The following MAN1B1 variants were observed in gnomAD, a reference collection of about 807,000 sequenced individuals.
MAN1B1 encodes mannosidase alpha class 1B member 1.
A neutral mutation model predicts 75.5 loss-of-function variants in MAN1B1; 66 were observed. The ratio of observed to expected loss-of-function variants is 0.87; its 90% confidence interval spans 0.72 to 1.07. The LOEUF (loss-of-function observed/expected upper bound fraction) is 1.07. MAN1B1 is among the 50% of genes least tolerant of loss of function. MAN1B1 has a pLI of 0.00. For synonymous variants in MAN1B1, 453 were observed against 382.8 expected (o/e 1.18, Z -2.14); for missense variants, 973 against 912.5 (o/e 1.07, Z -0.85).
chr9:137,088,038 A>G (rs1830420796), intron 1 of MAN1B1, 37 bp from the exon 2 acceptor site: 1 of 1,478,546 alleles, frequency 6.8e-7, no homozygotes, highest in South Asian at 1.1e-5. Context: ...CGTGTGATAT[A>G]TTCAGTAAGA....
intron 9 of MAN1B1, 174 bp from the exon 10 acceptor site, chr9:137,106,515 G>A (rs985488715): frequency 3.2e-5 from 36 of 1,109,320 alleles, no homozygotes; most frequent in East Asian, 9.9e-5. Flanking sequence ...TGGCCTCTGG[G>A]GGGGTGAGGG....
chr9:137,088,706 A>C (rs1830444506), intron 2 of MAN1B1, 163 bp from the exon 3 acceptor site: 10 of 863,306 alleles, frequency 1.2e-5, no homozygotes, highest in African/African-American at 1.7e-5. Context: ...GTTTTGAAAA[A>C]GATTTCATTC....
chr9:137,089,181 A>G (rs1027099419), intron 3 of MAN1B1, 176 bp downstream of exon 3: 3 of 808,138 alleles, frequency 3.7e-6, no homozygotes, highest in Non-Finnish European at 4.1e-6. Context: ...TCTTTGCTTC[A>G]TTCTTTTTGA....
intron 2 of MAN1B1, chr9:137,088,547 C>T (rs889117694): frequency 2.1e-6 from 2 of 942,986 alleles, no homozygotes; most frequent in Non-Finnish European, 3.2e-6. Flanking sequence ...TGTGGAGAAT[C>T]TCTTCTCACT....
intron 5 of MAN1B1, among the ~76,000 whole-genome samples, chr9:137,098,604 C>CA (rs1480054505): frequency 6.6e-6 from 1 of 152,140 alleles, no homozygotes; most frequent in Non-Finnish European, 1.5e-5. Flanking sequence ...TCAATGAGGG[C>CA]AGAGGCAGAG....
chr9:137,108,528 C>T lies in MAN1B1; in HGVS notation c.2037C>T (p.Leu679=), dbSNP rs763525531. 1.2e-6 allele frequency: 2 copies of T among 1,614,020 alleles called. No homozygotes were observed. Among genetic ancestry groups the T allele is most frequent in the East Asian group, 2.2e-5 (1 of 44,890 alleles). ...FLLFSDDPNL[L]SLDAYVFNTE... ...TCTTCTCCGATGACCCAAACCTGCT[C>T]AGCCTGGATGCCTACGTGTTCAACA... is the stretch of plus-strand genomic sequence containing the variant. The change falls in exon 13 of 13, where the codon CTC becomes CTT. Residue 679 remains leucine, a synonymous_variant. Transcript: ENST00000371589.
chr9:137,093,312 G>A (rs912963102), intron 3 of MAN1B1, among the ~76,000 whole-genome samples: 1 of 152,150 alleles, frequency 6.6e-6, no homozygotes, highest in African/African-American at 2.4e-5. Flanking sequence ...GAACTGGGAG[G>A]TGGAGGCTGC....
Position 137,087,209 on chromosome 9 carries a change from G to T in MAN1B1, c.210G>T (p.Ser70=). The change falls in exon 1 of 13, where the codon TCG becomes TCT. Residue 70 remains serine (S), a synonymous_variant. Transcript: ENST00000371589. ...ACAGCAAGAGTTGGCGGCGGCGCTC[G>T]TGCTGGAGGGTGAGGGTCGCGCCGG... is the stretch of plus-strand genomic sequence containing the variant. The part of the protein sequence containing the change: ...YDNSKSWRRR[S]CWRKWKQLSR... 6.3e-7 allele frequency: 1 copy of T among 1,577,024 alleles called. No homozygotes were observed. The highest frequency in any genetic ancestry group is 8.6e-7 in the Non-Finnish European group (1 of 1,161,810).
At chr9:137,095,787 G>T (rs947933805) in intron 3 of MAN1B1, among the ~76,000 whole-genome samples, 1 of 152,262 alleles carries the variant, frequency 6.6e-6, no homozygotes, top group South Asian at 2.1e-4. Flanking sequence ...TAGAAGGCCC[G>T]CATCACACAG....
chr9:137,097,846 C>G lies in MAN1B1; in HGVS notation c.639C>G (p.Ile213Met). The G allele has an allele frequency of 2.6e-6, 4 of 1,555,628 alleles. No homozygotes were observed. The South Asian group carries it at 3.6e-5, about 14-fold the overall frequency. ...CCCGAAGCTGGAGGGGAGCGGTGAT[C>G]GAGCCTGAGCAGGGCACCGAGCTCC... ...RTVISWRGAVIEPEQGTELPS... is the reference protein window; with the variant it reads ...RTVISWRGAVMEPEQGTELPS... The change falls in exon 5 of 13, where the codon ATC (isoleucine) becomes ATG (methionine). Residue 213 changes from isoleucine to methionine, a missense_variant. Transcript: ENST00000371589.
chr9:137,099,305 C>G (rs1422727076), intron 5 of MAN1B1, among the ~76,000 whole-genome samples: 1 of 152,280 alleles, frequency 6.6e-6, no homozygotes, highest in Non-Finnish European at 1.5e-5. Context: ...TCACCCACGT[C>G]TCCACAGGCT....
chr9:137,108,119 G>C lies in MAN1B1; in HGVS notation c.1897-269G>C, dbSNP rs567022038. The C allele has an allele frequency of 9.8e-6, 6 of 610,614 alleles. No individual in the cohort carries two copies. In the South Asian group the frequency reaches 1.2e-4, roughly 12 times the overall value. 37.8% of individuals were successfully genotyped at this position (610,614 alleles called of 1,614,324 possible). On this transcript the variant is annotated intron_variant, in intron 12 of 12. Transcript: ENST00000371589. ...GCTCCCACCGTCTGCCCTGTGCCCT[G>C]TGCCCTGTGCGGCAACTGTGAGGCC... is the stretch of plus-strand genomic sequence containing the variant.
rs114871830 is a variant in MAN1B1 at position 137,101,699 on chromosome 9, T to C, written c.1254+27T>C. ...TAAGGGGGCAGGCTTTCTGGCTGGA[T>C]GCGCCTCCCCTGGAGCTACCTTTTG... On this transcript the variant is annotated intron_variant, in intron 8 of 12. Coordinates refer to ENST00000371589, the MANE Select transcript of MAN1B1 (RefSeq NM_016219.5). 2.9e-3 allele frequency: 4,642 copies of C among 1,604,186 alleles called. 44 individuals are homozygous for C. The highest frequency in any genetic ancestry group is 0.024 in the African/African-American group (1,789 of 74,824).
At chr9:137,101,969 A>G in intron 8 of MAN1B1, 1 of 561,948 alleles carries the variant, frequency 1.8e-6, no homozygotes, top group Non-Finnish European at 3.4e-6. Flanking sequence ...GTGGTGTTAC[A>G]CACATGCTGT....
chr9:137,101,194 G>A (rs139690270), intron 7 of MAN1B1, 41 bp downstream of exon 7: 22 of 1,610,704 alleles, frequency 1.4e-5, no homozygotes, highest in African/African-American at 4.0e-5. Context: ...TGGTGGACTC[G>A]CATTCAAGCA....
chr9:137,088,140 C>G lies in MAN1B1; in HGVS notation c.285C>G (p.Phe95Leu), dbSNP rs1168304943. Residue 95 changes from phenylalanine (F) to leucine (L), a missense_variant, in exon 2 of 13, where the codon TTC becomes TTG. Physicochemically the swap from Phe to Leu is conservative, Grantham distance 22. Transcript: ENST00000371589. ...TCTTCCTCCTTGCCTTTCTGCTTTT[C>G]TGTGGACTCCTCTTCTACATCAACT... ...MILFLLAFLL[F>L]CGLLFYINLA... 1 of 1,614,214 alleles carries G rather than the reference C, an allele frequency of 6.2e-7. No individual in the cohort carries two copies. Among genetic ancestry groups the G allele is most frequent in the South Asian group, 1.1e-5 (1 of 91,084 alleles).
intron 5 of MAN1B1, among the ~76,000 whole-genome samples, chr9:137,098,803 C>T (rs780303461): frequency 6.6e-6 from 1 of 151,632 alleles, no homozygotes; most frequent in Non-Finnish European, 1.5e-5. Flanking sequence ...TCCAGGAGTT[C>T]AAGACCAGCC....
In MAN1B1 at chr9:137,101,743, G is replaced by C. The variant is rs4880203; in HGVS notation, c.1254+71G>C. 0.09 allele frequency: 76,397 copies of C among 848,368 alleles called. 2,139 individuals carry two copies. The highest frequency in any genetic ancestry group is 0.11 in the Non-Finnish European group (65,923 of 623,816). 52.6% of individuals were successfully genotyped at this position (848,368 alleles called of 1,614,324 possible). On this transcript the variant is annotated intron_variant, in intron 8 of 12. Transcript: ENST00000371589. ...CCTTTTGCTCATCACAGCAGGTACT[G>C]TGTGTGTGTGTGTATGTGCATGTGT... is the stretch of plus-strand genomic sequence containing the variant.
intron 8 of MAN1B1, 81 bp from the exon 9 acceptor site, chr9:137,106,044 C>A: frequency 9.0e-7 from 1 of 1,115,276 alleles, no homozygotes; most frequent in Non-Finnish European, 1.4e-6. Flanking sequence ...CGAGGGGAGG[C>A]AGAGCTCACA....
Sources: gnomAD v4.1 joint callset for allele counts (sites outside exome capture counted in the v4.1 genomes callset) on GRCh38, gnomAD v4.1.1 for gene constraint, MANE v1.5 for transcripts, NCBI Gene and HGNC (gene_info 2026-07-23, HGNC 2026-07-21) for gene names.